Variants in ARHGAP26 observed in about 807,000 individuals in gnomAD.
ARHGAP26 encodes the protein rho GTPase-activating protein 26.
Under a neutral mutation model 104.8 loss-of-function variants are expected in ARHGAP26, and 38 were observed. That is an observed-to-expected ratio of 0.36 (90% confidence interval 0.28 to 0.48). The LOEUF (loss-of-function observed/expected upper bound fraction) is 0.48, where lower values mean the gene tolerates loss of function less well. Ranked by LOEUF, ARHGAP26 falls within the 20% of genes least tolerant of loss-of-function variation. The probability of loss-of-function intolerance (pLI) is 0.99; values close to 1 mark genes in which losing one functional copy is unlikely to be tolerated. For missense variants in ARHGAP26, 704 were observed against 947.9 expected (o/e 0.74, Z 3.38); for synonymous variants, 341 against 340.0 (o/e 1.00, Z -0.03).
At chr5:143,006,020 C>T (rs544584978) in intron 11 of ARHGAP26, among the ~76,000 whole-genome samples, 3 of 152,180 alleles carry the variant, frequency 2.0e-5, no homozygotes, top group East Asian at 1.9e-4. Flanking sequence ...TAGAAGCATT[C>T]GTTGTCACCT....
chr5:142,908,189 AC>A (rs1260877668), intron 9 of ARHGAP26, among the ~76,000 whole-genome samples: 2 of 152,230 alleles, frequency 1.3e-5, no homozygotes, highest in Non-Finnish European at 2.9e-5. Flanking sequence ...TGTCCTGGTT[AC>A]CTATTGCTGT....
chr5:142,950,592 C>G (rs1023495163), intron 11 of ARHGAP26, among the ~76,000 whole-genome samples: 9 of 152,008 alleles, frequency 5.9e-5, no homozygotes, highest in Non-Finnish European at 1.3e-4. Flanking sequence ...CTATTGTTAT[C>G]AGAATGTCAT....
At chr5:142,901,836 T>C in intron 6 of ARHGAP26, 99 bp from the exon 7 acceptor site, 1 of 916,702 alleles carries the variant, frequency 1.1e-6, no homozygotes, top group East Asian at 2.5e-5. Flanking sequence ...TTATTCTTTA[T>C]TTTAGACTTT....
chr5:142,930,571 C>T (rs1021173529), intron 10 of ARHGAP26, among the ~76,000 whole-genome samples: 8 of 152,024 alleles, frequency 5.3e-5, no homozygotes, highest in Non-Finnish European at 1.5e-5. Flanking sequence ...TCTAGCTGCC[C>T]ACGCCTCCCA....
At chr5:142,955,938 G>A (rs951755895) in intron 11 of ARHGAP26, among the ~76,000 whole-genome samples, 1 of 152,170 alleles carries the variant, frequency 6.6e-6, no homozygotes, top group African/African-American at 2.4e-5. Flanking sequence ...GGCTGCAGCA[G>A]TGAGTGGAGT....
At chr5:143,068,651 G>C (rs1787844817) in intron 17 of ARHGAP26, among the ~76,000 whole-genome samples, 1 of 152,162 alleles carries the variant, frequency 6.6e-6, no homozygotes, top group African/African-American at 2.4e-5. Flanking sequence ...GCAATCCTTT[G>C]AAACATGAGA....
chr5:142,966,159 C>G (rs912819603), intron 11 of ARHGAP26, among the ~76,000 whole-genome samples: 20 of 152,104 alleles, frequency 1.3e-4, no homozygotes, highest in Admixed American at 1.3e-3. Context: ...TTTGTAAGGT[C>G]TCAGCTGAGG....
chr5:142,928,192 A>G (rs1342014512), intron 10 of ARHGAP26, among the ~76,000 whole-genome samples: 1 of 147,458 alleles, frequency 6.8e-6, no homozygotes, highest in Non-Finnish European at 1.5e-5. Context: ...CAATTTTTCA[A>G]TATTTTTTCT....
chr5:142,859,795 A>T (rs1190651425), intron 1 of ARHGAP26: 2 of 152,302 alleles, frequency 1.3e-5, no homozygotes, highest in Non-Finnish European at 2.9e-5. Context: ...CTAGGTTACC[A>T]TGATCAGTGT....
Position 143,227,088 on chromosome 5 carries a change from C to T in ARHGAP26, c.*4642C>T. On this transcript the variant is annotated 3_prime_UTR_variant, in exon 23 of 23. Transcript: ENST00000645722. ...AACCTGATCCCTGCCTGTCTGTTGG[C>T]ACCTGTCATCCTCTGGCTTCTGCTC... 2 of 230,538 alleles carry T rather than the reference C, an allele frequency of 8.7e-6. No homozygotes were observed. Among genetic ancestry groups the T allele is most frequent in the Non-Finnish European group, 1.7e-5 (2 of 116,414 alleles). 14.3% of individuals were successfully genotyped at this position (230,538 alleles called of 1,614,324 possible). A position where few individuals can be genotyped will look rare whatever the true frequency, so the allele number is the denominator to read the frequency against.
At chr5:142,888,536 G>A (rs979995883) in intron 5 of ARHGAP26, among the ~76,000 whole-genome samples, 5 of 152,188 alleles carry the variant, frequency 3.3e-5, no homozygotes, top group Admixed American at 6.5e-5. Flanking sequence ...TGTTGAGCAC[G>A]TGGTACACCT....
chr5:143,087,636 CTTTTTTTTTTTTTT>C (rs35201189), intron 17 of ARHGAP26, among the ~76,000 whole-genome samples: 3 of 51,536 alleles, frequency 5.8e-5, no homozygotes, highest in African/African-American at 2.4e-4. Flanking sequence ...CTGGCCCATT[CTTTTTTTTTTTTTT>C]TTTTTTTTTT....
chr5:143,053,669 A>AT (rs1176124319), intron 14 of ARHGAP26, among the ~76,000 whole-genome samples: 10 of 152,238 alleles, frequency 6.6e-5, no homozygotes, highest in Non-Finnish European at 1.5e-4. Context: ...GACAAAAGAA[A>AT]TTGTCAGAGC....
At chr5:142,829,027 C>A (rs892462032) in intron 1 of ARHGAP26, among the ~76,000 whole-genome samples, 1 of 152,146 alleles carries the variant, frequency 6.6e-6, no homozygotes, top group African/African-American at 2.4e-5. Context: ...CCACTGTGTT[C>A]AAAAGAAAGG....
At chr5:142,826,744 A>T (rs1013284249) in intron 1 of ARHGAP26, among the ~76,000 whole-genome samples, 1 of 152,100 alleles carries the variant, frequency 6.6e-6, no homozygotes, top group African/African-American at 2.4e-5. Context: ...CTTAAAGCCC[A>T]GGTCAGTCTG....
chr5:143,081,965 G>A (rs1345695564), intron 17 of ARHGAP26, among the ~76,000 whole-genome samples: 3 of 144,916 alleles, frequency 2.1e-5, no homozygotes, highest in African/African-American at 5.2e-5. Context: ...AGCCGAGATC[G>A]CGCCACTGCG....
At chr5:143,129,465 G>T (rs1297101860) in intron 18 of ARHGAP26, among the ~76,000 whole-genome samples, 1 of 152,080 alleles carries the variant, frequency 6.6e-6, no homozygotes, top group Non-Finnish European at 1.5e-5. Flanking sequence ...AATCAGATCC[G>T]CCAGACTCCA....
intron 1 of ARHGAP26, among the ~76,000 whole-genome samples, chr5:142,836,512 A>C (rs768432400): frequency 5.3e-5 from 8 of 152,216 alleles, no homozygotes; most frequent in Non-Finnish European, 1.2e-4. Context: ...AGTAAGAAGA[A>C]GTCTCCCATG....
intron 20 of ARHGAP26, among the ~76,000 whole-genome samples, chr5:143,203,919 G>T (rs1808168162): frequency 6.6e-6 from 1 of 152,086 alleles, no homozygotes; most frequent in Non-Finnish European, 1.5e-5. Context: ...GGCCTGTCAG[G>T]GGGTAGGGGG....
Sources: gnomAD v4.1 joint callset for allele counts (sites outside exome capture counted in the v4.1 genomes callset) on GRCh38, gnomAD v4.1.1 for gene constraint, MANE v1.5 for transcripts, NCBI Gene and HGNC (gene_info 2026-07-23, HGNC 2026-07-21) for gene names.